The following NBEAL1 variants were observed in gnomAD, a reference collection of about 807,000 sequenced individuals.
The protein encoded by NBEAL1 is neurobeachin-like protein 1.
A neutral mutation model predicts 351.3 loss-of-function variants in NBEAL1; 273 were observed. The observed-to-expected ratio is 0.78, with a 90% CI of 0.70 to 0.86. The LOEUF (loss-of-function observed/expected upper bound fraction) is 0.86, where lower values mean the gene tolerates loss of function less well. Among genes scored for constraint, NBEAL1 ranks in the 40% least tolerant of loss-of-function variants. The pLI is 0.00. For synonymous variants in NBEAL1, 1,050 were observed against 1,086.4 expected, an observed-to-expected ratio of 0.97 and a Z score of 0.66; for missense variants, 2,961 against 3,201.3, an observed-to-expected ratio of 0.92 and a Z score of 1.81.
intron 2 of NBEAL1, among the ~76,000 whole-genome samples, chr2:203,025,992 A>G (rs913874397): frequency 6.6e-6 from 1 of 152,138 alleles, no homozygotes; most frequent in Non-Finnish European, 1.5e-5. Context: ...TGTGTTAGGA[A>G]GTCCCCTACA....
chr2:203,126,138 T>C (rs750182464), intron 21 of NBEAL1, 45 bp downstream of exon 21: 106 of 1,481,276 alleles, frequency 7.2e-5, no homozygotes, highest in Admixed American at 4.5e-4. Flanking sequence ...TAATTGTGAT[T>C]TGCAGTTGAT....
chr2:203,037,659 T>C (rs2061061134), intron 2 of NBEAL1, among the ~76,000 whole-genome samples: 1 of 149,072 alleles, frequency 6.7e-6, no homozygotes, highest in South Asian at 2.1e-4. Flanking sequence ...TACCATAGAC[T>C]GCTCTAGAAC....
intron 7 of NBEAL1, among the ~76,000 whole-genome samples, chr2:203,077,131 G>C (rs539073127): frequency 6.6e-6 from 1 of 152,046 alleles, no homozygotes; most frequent in African/African-American, 2.4e-5. Context: ...CTGACAAGGG[G>C]CCGGGTGTGG....
intron 44 of NBEAL1, among the ~76,000 whole-genome samples, chr2:203,184,292 G>A (rs975532587): frequency 1.3e-5 from 2 of 151,976 alleles, no homozygotes; most frequent in Non-Finnish European, 2.9e-5. Context: ...TTAGGTGGGT[G>A]TGTTGGCGGG....
intron 15 of NBEAL1, 119 bp from the exon 16 acceptor site, chr2:203,111,860 T>G: frequency 8.7e-7 from 1 of 1,147,266 alleles, no homozygotes; most frequent in African/African-American, 1.6e-5. Flanking sequence ...ATTTAACATT[T>G]ACGTTTAATC....
In NBEAL1 at chr2:203,168,870, G is replaced by A. The variant is rs189999271; in HGVS notation, c.5998-877G>A. Among the ~76,000 whole-genome samples the A allele has an allele frequency of 3.4e-5, 5 of 145,468 alleles. No individual in the cohort carries two copies. In the East Asian group the frequency reaches 1.0e-3, roughly 29 times the overall value. ...GATCACGCCAGTGCACTCTAGCCTG[G>A]GTGACAGAGCGAGACTCCATCTCAA... On this transcript the variant is annotated intron_variant, in intron 38 of 55. Coordinates refer to ENST00000683969, the MANE Select transcript of NBEAL1 (RefSeq NM_001378026.1).
chr2:203,065,534 C>T (rs1277069044), intron 6 of NBEAL1, among the ~76,000 whole-genome samples: 1 of 152,086 alleles, frequency 6.6e-6, no homozygotes, highest in African/African-American at 2.4e-5. Context: ...GGGTGGATCA[C>T]AAGGTCAGGA....
intron 6 of NBEAL1, among the ~76,000 whole-genome samples, chr2:203,060,072 T>G (rs2061473836): frequency 6.6e-6 from 1 of 152,174 alleles, no homozygotes; most frequent in Non-Finnish European, 1.5e-5. Context: ...CATTTTAAGT[T>G]TTGAAACAAT....
intron 10 of NBEAL1, among the ~76,000 whole-genome samples, chr2:203,087,456 G>A (rs1010381565): frequency 1.4e-4 from 21 of 151,800 alleles, no homozygotes; most frequent in African/African-American, 4.1e-4. Context: ...CAATGTTATC[G>A]TATCAATCCT....
chr2:203,122,281 T>A lies in NBEAL1; in HGVS notation c.2620T>A (p.Leu874Ile). The A allele has an allele frequency of 6.5e-7, 1 of 1,544,266 alleles. No individual in the cohort carries two copies. The highest frequency in any genetic ancestry group is 1.2e-5 in the South Asian group (1 of 81,608). ...CTGCAAAAATTCAATCTGTCTTGATTTATCTACTAATTGTTTGCATGGAAG... is the reference window on the plus strand; with the variant it reads ...CTGCAAAAATTCAATCTGTCTTGATATATCTACTAATTGTTTGCATGGAAG... Reference protein sequence around the residue: ...KACKNSICLDLSTNCLHGRLT... With the variant: ...KACKNSICLDISTNCLHGRLT... The change falls in exon 19 of 56, where the codon TTA (leucine) becomes ATA (isoleucine). Residue 874 changes from leucine (L) to isoleucine (I), a missense_variant. By Grantham distance (5) the Leu-to-Ile change is conservative (BLOSUM62 2). Coordinates refer to ENST00000683969, the MANE Select transcript of NBEAL1 (RefSeq NM_001378026.1).
intron 36 of NBEAL1, among the ~76,000 whole-genome samples, chr2:203,162,420 A>G (rs1402639762): frequency 6.6e-6 from 1 of 152,132 alleles, no homozygotes; most frequent in African/African-American, 2.4e-5. Flanking sequence ...TAAACTACAT[A>G]TGGCAAATAT....
At chr2:203,172,475 C>G (rs1249112631) in intron 40 of NBEAL1, among the ~76,000 whole-genome samples, 1 of 151,894 alleles carries the variant, frequency 6.6e-6, no homozygotes, top group African/African-American at 2.4e-5. Context: ...GAGCCGAGAT[C>G]ATGACACTGC....
At position 203,107,935 on chromosome 2, in the gene NBEAL1, G is replaced by A; in HGVS notation, c.1696G>A (p.Val566Met). The part of the protein sequence containing the change: ...EIRRLLRLLR[V>M]DESESVHPYV... ...CCGTCGACTACTGAGATTGCTGAGA[G>A]TGGATGAATCTGAGTCTGTTCACCC... is the stretch of plus-strand genomic sequence containing the variant. Residue 566 changes from valine to methionine, a missense_variant, in exon 14 of 56, where the codon GTG becomes ATG. Physicochemically the swap from Val to Met is conservative, Grantham distance 21. Coordinates refer to ENST00000683969, the MANE Select transcript of NBEAL1 (RefSeq NM_001378026.1). 2 of 1,553,962 alleles carry A rather than the reference G, an allele frequency of 1.3e-6. No individual in the cohort carries two copies. Among genetic ancestry groups the A allele is most frequent in the Non-Finnish European group, 1.7e-6 (2 of 1,147,626 alleles).
chr2:203,050,044 A>T (rs1014123054), intron 4 of NBEAL1, 69 bp downstream of exon 4: 1 of 1,424,788 alleles, frequency 7.0e-7, no homozygotes, highest in Non-Finnish European at 9.6e-7. Flanking sequence ...ACACATGGAG[A>T]TGAGGAGGGG....
intron 35 of NBEAL1, among the ~76,000 whole-genome samples, chr2:203,153,782 G>A (rs1163737607): frequency 1.3e-5 from 2 of 152,066 alleles, no homozygotes; most frequent in Non-Finnish European, 2.9e-5. Context: ...GTTACTTAAG[G>A]CATAGTGTTC....
At chr2:203,110,770 T>TTC (rs1553611020) in intron 15 of NBEAL1, among the ~76,000 whole-genome samples, 5 of 141,994 alleles carry the variant, frequency 3.5e-5, no homozygotes, top group Non-Finnish European at 6.2e-5. Flanking sequence ...CTTTTTTCTT[T>TTC]TTTTTTTTTT....
At chr2:203,021,852 A>T (rs1439820771) in intron 2 of NBEAL1, among the ~76,000 whole-genome samples, 2 of 152,036 alleles carry the variant, frequency 1.3e-5, no homozygotes, top group African/African-American at 4.8e-5. Context: ...GTTTGAGACC[A>T]GCGTGGCCAA....
chr2:203,197,246 A>G (rs962738437), intron 47 of NBEAL1, 56 bp from the exon 48 acceptor site: 1 of 993,230 alleles, frequency 1.0e-6, no homozygotes, highest in Non-Finnish European at 1.6e-6. Context: ...GTTTTCAGTA[A>G]TTTGTACCTA....
rs2106239389 is a variant in NBEAL1, at chr2:203,110,302, C to T, written c.2082+20C>T. 1 of 1,542,594 alleles carries T rather than the reference C, an allele frequency of 6.5e-7. No homozygotes were observed. Among genetic ancestry groups the T allele is most frequent in the Non-Finnish European group, 8.7e-7 (1 of 1,143,976 alleles). On this transcript the variant is annotated intron_variant, in intron 15 of 55. Coordinates refer to ENST00000683969, the MANE Select transcript of NBEAL1 (RefSeq NM_001378026.1). ...CTCTGGGTAAGGCTTTAGGGCATCA[C>T]ATTTAACTTCTAGTATGGTTAATGG...
Sources: allele counts gnomAD v4.1 joint callset (sites outside exome capture counted in the v4.1 genomes callset), GRCh38; gene constraint gnomAD v4.1.1; transcripts MANE v1.5; gene names NCBI Gene and HGNC (gene_info 2026-07-23, HGNC 2026-07-21).